Variants in ABCC1 observed in about 807,000 individuals in gnomAD.
ABCC1 encodes the protein multidrug resistance-associated protein 1.
Under a neutral mutation model 172.9 loss-of-function variants are expected in ABCC1, and 83 were observed. The observed-to-expected ratio is 0.48, with a 90% CI of 0.40 to 0.58. The LOEUF (loss-of-function observed/expected upper bound fraction) is 0.58. Ranked by LOEUF, ABCC1 falls within the 20% of genes least tolerant of loss-of-function variation. The pLI, the probability that ABCC1 is intolerant of heterozygous loss-of-function variation, is 0.00. For synonymous variants in ABCC1, 937 were observed against 825.2 expected, an observed-to-expected ratio of 1.14 and a Z score of -2.32; for missense variants, 1,817 against 2,002.7, an observed-to-expected ratio of 0.91 and a Z score of 1.77.
intron 23 of ABCC1, 93 bp from the exon 24 acceptor site, chr16:16,121,882 G>C: frequency 7.2e-7 from 1 of 1,386,614 alleles, no homozygotes. Context: ...TGGAGGTATC[G>C]GTTACGTCTA....
In ABCC1 at chr16:16,009,823, C is replaced by T. The variant is rs2047704259; in HGVS notation, c.273C>T (p.Tyr91=). 5 of 1,611,526 alleles carry T rather than the reference C, an allele frequency of 3.1e-6. No individual in the cohort carries two copies. Among genetic ancestry groups the T allele is most frequent in the Middle Eastern group, 1.7e-4 (1 of 6,052 alleles). ...LWIVCWADLF[Y]SFWERSRGIF... ...TCGTCTGCTGGGCAGACCTCTTCTA[C>T]TCTTTCTGGGAAAGAAGTCGGGGCA... Residue 91 remains tyrosine (Y), a synonymous_variant, in exon 3 of 31, where the codon TAC becomes TAT. Coordinates refer to ENST00000399410, the MANE Select transcript of ABCC1 (RefSeq NM_004996.4).
intron 16 of ABCC1, among the ~76,000 whole-genome samples, chr16:16,083,154 T>C (rs1217250824): frequency 1.3e-5 from 2 of 152,194 alleles, no homozygotes; most frequent in African/African-American, 2.4e-5. Context: ...ACTCCTGATA[T>C]TGGAGTCAGT....
chr16:16,056,070 T>C, intron 11 of ABCC1, 22 bp from the exon 12 acceptor site: 1 of 1,612,668 alleles, frequency 6.2e-7, no homozygotes, highest in South Asian at 1.1e-5. Context: ...CCCAGATGTG[T>C]TGACTGCCCG....
chr16:16,124,992 G>T, intron 25 of ABCC1, 77 bp downstream of exon 25: 1 of 1,596,436 alleles, frequency 6.3e-7, no homozygotes, highest in Non-Finnish European at 8.6e-7. Flanking sequence ...TTGGATTCCA[G>T]CTCCAACAGG....
At chr16:16,010,037 C>CTTTTT (rs71388789) in intron 3 of ABCC1, 136 bp downstream of exon 3, 1,780 of 106,730 alleles carry the variant, frequency 0.017, 71 homozygotes, top group Middle Eastern at 0.033. Flanking sequence ...TAAATGTAGC[C>CTTTTT]TTTTTTTTTT....
chr16:15,978,383 C>A (rs1476887559), intron 1 of ABCC1, among the ~76,000 whole-genome samples: 1 of 152,040 alleles, frequency 6.6e-6, no homozygotes, highest in Admixed American at 6.6e-5. Flanking sequence ...AACAAACAAA[C>A]AAACAAACAA....
chr16:16,048,076 C>G (rs2049288743), intron 9 of ABCC1, 66 bp from the exon 10 acceptor site: 7 of 1,566,106 alleles, frequency 4.5e-6, no homozygotes, highest in Non-Finnish European at 6.1e-6. Flanking sequence ...CTCCGTGGGT[C>G]TGGAGGGAGA....
At chr16:15,955,453 C>A (rs1408876600) in intron 1 of ABCC1, among the ~76,000 whole-genome samples, 1 of 152,178 alleles carries the variant, frequency 6.6e-6, no homozygotes, top group East Asian at 1.9e-4. Context: ...TCTACTAAAA[C>A]CCTGCAGTAG....
At chr16:16,060,179 T>C (rs1311002311) in intron 12 of ABCC1, among the ~76,000 whole-genome samples, 1 of 151,608 alleles carries the variant, frequency 6.6e-6, no homozygotes, top group Admixed American at 6.6e-5. Flanking sequence ...ACCCCAAAGC[T>C]GGTCATCTCA....
In ABCC1 at chr16:16,142,936, A is replaced by G. The variant is rs957095288; in HGVS notation, c.*1655A>G. 1 of 152,562 alleles carries G rather than the reference A, an allele frequency of 6.6e-6. No homozygotes were observed. Among genetic ancestry groups the G allele is most frequent in the Non-Finnish European group, 1.5e-5 (1 of 68,008 alleles). The allele number at this position is 152,562 out of a possible 1,614,324, so 9.5% of individuals were successfully genotyped here. A position where few individuals can be genotyped will look rare whatever the true frequency, so the allele number is the denominator to read the frequency against. ...CTTTTAGGCGAAAACGCATATATTT[A>G]TTTTTTGTAAGTTATACCATTCTTT... On this transcript the variant is annotated 3_prime_UTR_variant, in exon 31 of 31. Transcript: ENST00000399410.
At chr16:16,043,555 C>T (rs1255540011) in intron 7 of ABCC1, among the ~76,000 whole-genome samples, 2 of 152,016 alleles carry the variant, frequency 1.3e-5, no homozygotes, top group African/African-American at 2.4e-5. Flanking sequence ...CCACCTCGGC[C>T]TCCCATAGTG....
chr16:16,073,724 T>C (rs978856492), intron 14 of ABCC1, among the ~76,000 whole-genome samples: 3 of 152,106 alleles, frequency 2.0e-5, no homozygotes, highest in Non-Finnish European at 2.9e-5. Context: ...GCCACTGTAC[T>C]CCAGCCTGGG....
intron 1 of ABCC1, among the ~76,000 whole-genome samples, chr16:15,952,716 TAAAA>T (rs57105111): frequency 0.6 from 23,930 of 40,184 alleles, 7,103 homozygotes; most frequent in Non-Finnish European, 0.67. Context: ...GTGAGTTCAT[TAAAA>T]AAAAAAAAAA....
intron 5 of ABCC1, among the ~76,000 whole-genome samples, chr16:16,029,361 TACAG>T: frequency 6.6e-6 from 1 of 152,164 alleles, no homozygotes; most frequent in East Asian, 1.9e-4. Flanking sequence ...TAGCTGGGAC[TACAG>T]GCACGTGCCA....
intron 3 of ABCC1, among the ~76,000 whole-genome samples, chr16:16,012,771 C>A (rs1384739506): frequency 6.6e-6 from 1 of 151,840 alleles, no homozygotes; most frequent in Non-Finnish European, 1.5e-5. Context: ...CAACCTCTGC[C>A]TCCCGGGTTC....
chr16:16,098,849 A>G lies in ABCC1; in HGVS notation c.2645-3778A>G, dbSNP rs1490724879. ...GAGTTTCGCTTTGCTTCTTAACAAT[A>G]TCTTGGGTCTTCTGAATTCCCAGGC... On this transcript the variant is annotated intron_variant, in intron 19 of 30. Transcript: ENST00000399410. 2.2e-6 allele frequency: 3 copies of G among 1,351,974 alleles called. No individual in the cohort carries two copies. In the Admixed American group the frequency reaches 5.7e-5, roughly 26 times the overall value. 83.7% of individuals were successfully genotyped at this position (1,351,974 alleles called of 1,614,324 possible).
intron 19 of ABCC1, among the ~76,000 whole-genome samples, chr16:16,101,769 C>T (rs45519532): frequency 0.032 from 4,801 of 152,248 alleles, 239 homozygotes; most frequent in African/African-American, 0.11. Context: ...ACACGACACA[C>T]GGTGCCCAAG....
rs2048264012 is a variant in ABCC1 at position 16,023,479 on chromosome 16, C to T, written c.615+6858C>T. Reference sequence around the variant, plus strand: ...TTCATGATCAGTCTCTGTCCCCACCCACCAAGGCCTGATCTTGGACCGTTG... The same window carrying T: ...TTCATGATCAGTCTCTGTCCCCACCTACCAAGGCCTGATCTTGGACCGTTG... On this transcript the variant is annotated intron_variant, in intron 5 of 30. Coordinates refer to ENST00000399410, the MANE Select transcript of ABCC1 (RefSeq NM_004996.4). Among the ~76,000 whole-genome samples, 2 of 152,216 alleles carry T rather than the reference C, an allele frequency of 1.3e-5. 1 individual carries two copies. The highest frequency in any genetic ancestry group is 4.8e-5 in the African/African-American group (2 of 41,462).
In ABCC1 at chr16:16,132,510, G is replaced by GGTTTTTTTTT. The variant is rs1277380301; in HGVS notation, c.3966+575_3966+576insGTTTTTTTTT. On this transcript the variant is annotated intron_variant, in intron 27 of 30. Transcript: ENST00000399410. ...TTCTTTTTTTGTTTTTTGGTTGGTT[G>GGTTTTTTTTT]TTTTTTTTTTTTTTTTTTTTTTTTT... 1.3e-4 allele frequency among the ~76,000 whole-genome samples: 5 copies of GGTTTTTTTTT among 37,298 alleles called. 1 individual carries two copies. The highest frequency in any genetic ancestry group is 8.0e-4 in the East Asian group (1 of 1,248). 24.5% of individuals were successfully genotyped at this position (37,298 alleles called of 152,430 possible).
Sources: gnomAD v4.1 joint callset for allele counts (sites outside exome capture counted in the v4.1 genomes callset) on GRCh38, gnomAD v4.1.1 for gene constraint, MANE v1.5 for transcripts, NCBI Gene and HGNC (gene_info 2026-07-23, HGNC 2026-07-21) for gene names.